ERC2: variants seen among roughly 807,000 people sequenced by gnomAD.
The protein encoded by ERC2 is ERC protein 2.
ERC2 carries 42 observed loss-of-function variants against 114.8 expected under a neutral mutation model. The ratio of observed to expected loss-of-function variants is 0.37; its 90% CI spans 0.29 to 0.47. ERC2 has a LOEUF of 0.47. Ranked by LOEUF, ERC2 falls within the 20% of genes least tolerant of loss-of-function variation. The pLI is 0.99. For missense variants in ERC2, 939 were observed against 1,150.7 expected, an observed-to-expected ratio of 0.82 and a Z score of 2.66; for synonymous variants, 454 against 425.5, an observed-to-expected ratio of 1.07 and a Z score of -0.82.
intron 4 of ERC2, among the ~76,000 whole-genome samples, chr3:56,168,696 A>G (rs986050016): frequency 3.3e-5 from 5 of 152,196 alleles, no homozygotes; most frequent in African/African-American, 1.2e-4. Flanking sequence ...TATTCTGTGG[A>G]ACTAAACAGG....
intron 16 of ERC2, among the ~76,000 whole-genome samples, chr3:55,685,059 C>T (rs1002024564): frequency 2.1e-4 from 32 of 152,170 alleles, no homozygotes; most frequent in African/African-American, 6.5e-4. Flanking sequence ...CCACCTAATC[C>T]GGCCAATAGG....
chr3:56,381,933 C>T (rs906344871), intron 2 of ERC2, among the ~76,000 whole-genome samples: 1 of 152,084 alleles, frequency 6.6e-6, no homozygotes, highest in Non-Finnish European at 1.5e-5. Context: ...TCAACCTCTT[C>T]GAAAATGATA....
chr3:56,069,806 T>A (rs1042864252), intron 7 of ERC2, among the ~76,000 whole-genome samples: 9 of 152,194 alleles, frequency 5.9e-5, no homozygotes, highest in African/African-American at 2.2e-4. Flanking sequence ...TGACAAAGGC[T>A]CCAAATTGCC....
intron 16 of ERC2, among the ~76,000 whole-genome samples, chr3:55,695,785 C>G (rs2062896066): frequency 6.6e-6 from 1 of 152,098 alleles, no homozygotes. Context: ...TCTTTTTTCA[C>G]CTGATACTCT....
intron 13 of ERC2, among the ~76,000 whole-genome samples, chr3:55,920,017 C>T (rs1017291319): frequency 2.0e-5 from 3 of 151,998 alleles, no homozygotes; most frequent in African/African-American, 7.3e-5. Context: ...GAATTCATAA[C>T]ATCTAGTAAA....
chr3:56,129,617 T>C (rs1255712163), intron 6 of ERC2, among the ~76,000 whole-genome samples: 1 of 152,154 alleles, frequency 6.6e-6, no homozygotes, highest in Admixed American at 6.5e-5. Flanking sequence ...TGCAAACCAT[T>C]TACCAGTAAG....
chr3:56,276,459 T>TAAA (rs766683320), intron 3 of ERC2, among the ~76,000 whole-genome samples: 51 of 82,910 alleles, frequency 6.2e-4, no homozygotes, highest in African/African-American at 1.4e-3. Flanking sequence ...CAAACTCAGC[T>TAAA]AAAAAAAAAA....
chr3:56,226,000 T>A (rs529217642), intron 3 of ERC2, among the ~76,000 whole-genome samples: 23 of 152,298 alleles, frequency 1.5e-4, no homozygotes, highest in African/African-American at 4.6e-4. Context: ...CATCTTTCTG[T>A]TTATTGAAGT....
intron 2 of ERC2, among the ~76,000 whole-genome samples, chr3:56,411,119 C>A (rs1328528164): frequency 6.8e-6 from 1 of 147,874 alleles, no homozygotes; most frequent in Non-Finnish European, 1.5e-5. Flanking sequence ...AAACTACAAT[C>A]AATTCCCAAG....
chr3:55,808,701 TTATATATATA>T (rs377604698), intron 14 of ERC2, among the ~76,000 whole-genome samples: 6,927 of 61,668 alleles, frequency 0.11, 363 homozygotes, highest in Middle Eastern at 0.14. Context: ...TACCATAATT[TTATATATATA>T]TATATATATA....
chr3:56,444,864 C>G (rs2062489208), intron 1 of ERC2, among the ~76,000 whole-genome samples: 1 of 152,116 alleles, frequency 6.6e-6, no homozygotes, highest in Non-Finnish European at 1.5e-5. Flanking sequence ...TAATCAGCAT[C>G]CCTAACTTTT....
At chr3:55,518,048 A>G (rs1388485061) in intron 17 of ERC2, among the ~76,000 whole-genome samples, 2 of 152,064 alleles carry the variant, frequency 1.3e-5, no homozygotes, top group African/African-American at 4.8e-5. Flanking sequence ...TGTGCATGGT[A>G]GGATGTTTAG....
intron 4 of ERC2, among the ~76,000 whole-genome samples, chr3:56,162,388 G>T (rs1586314): frequency 0.82 from 124,637 of 152,094 alleles, 52,222 homozygotes; most frequent in South Asian, 0.93. Context: ...TGATACTGAC[G>T]TTGTAGAATG....
rs536296522 is a variant in ERC2 at position 56,241,433 on chromosome 3, T to C, written c.1074+54586A>G. Among the ~76,000 whole-genome samples, 5 of 152,342 alleles carry C rather than the reference T, an allele frequency of 3.3e-5. 1 individual carries two copies. Among genetic ancestry groups the C allele is most frequent in the South Asian group, 4.1e-4 (2 of 4,822 alleles). ...GGCTGTGGAGAAAAGGTACGCCTTA[T>C]ACACTGTTGGTAGGAATGTAAATTT... On this transcript the variant is annotated intron_variant, in intron 3 of 17. Coordinates refer to ENST00000288221, the MANE Select transcript of ERC2 (RefSeq NM_015576.3).
rs547535314 is a variant in ERC2 at position 55,509,604 on chromosome 3, C to T, written c.*1712G>A. On this transcript the variant is annotated 3_prime_UTR_variant, in exon 18 of 18. Coordinates refer to ENST00000288221, the MANE Select transcript of ERC2 (RefSeq NM_015576.3). ...AAGAACAAAGCCAGAAGCAAGAAAC[C>T]TGCTTGAGTATCTTAACCGCGAATG... 2 of 152,630 alleles carry T rather than the reference C, an allele frequency of 1.3e-5. No homozygotes were observed. Among genetic ancestry groups the T allele is most frequent in the South Asian group, 4.2e-4 (2 of 4,816 alleles). The allele number at this position is 152,630 out of a possible 1,614,324, so 9.5% of individuals were successfully genotyped here. A position where few individuals can be genotyped will look rare whatever the true frequency, so the allele number is the denominator to read the frequency against.
At chr3:55,523,136 T>C (rs1317452761) in intron 17 of ERC2, among the ~76,000 whole-genome samples, 1 of 152,196 alleles carries the variant, frequency 6.6e-6, no homozygotes, top group African/African-American at 2.4e-5. Context: ...AGTGGTCACC[T>C]GAGGCATAAT....
intron 7 of ERC2, among the ~76,000 whole-genome samples, chr3:56,031,937 T>TG (rs2074402338): frequency 6.6e-6 from 1 of 152,194 alleles, no homozygotes; most frequent in Non-Finnish European, 1.5e-5. Context: ...TGGAGCCTAA[T>TG]GGGAGGTGTT....
chr3:56,298,956 C>T (rs748294110), intron 2 of ERC2, among the ~76,000 whole-genome samples: 2 of 152,106 alleles, frequency 1.3e-5, no homozygotes, highest in Non-Finnish European at 2.9e-5. Context: ...CACATTAGAA[C>T]AGAGTCCACA....
chr3:55,987,608 A>G (rs1458061), intron 11 of ERC2, among the ~76,000 whole-genome samples: 25,002 of 152,252 alleles, frequency 0.16, 2,225 homozygotes, highest in East Asian at 0.38. Context: ...TCTAAAAGAT[A>G]TTATCATAAT....
Sources: gnomAD v4.1 joint callset for allele counts (sites outside exome capture counted in the v4.1 genomes callset) on GRCh38, gnomAD v4.1.1 for gene constraint, MANE v1.5 for transcripts, NCBI Gene and HGNC (gene_info 2026-07-23, HGNC 2026-07-21) for gene names.